The following NCEH1 variants were observed in gnomAD, a reference collection of about 807,000 sequenced individuals.
NCEH1 encodes the protein 2-acetyl MAGE hydrolase.
A neutral mutation model predicts 25.4 loss-of-function variants in NCEH1; 9 were observed. The ratio of observed to expected loss-of-function variants is 0.35; its 90% CI spans 0.21 to 0.62. The LOEUF (loss-of-function observed/expected upper bound fraction) is 0.62, where lower values mean the gene tolerates loss of function less well. Ranked by LOEUF, NCEH1 falls within the 20% of genes least tolerant of loss-of-function variation. NCEH1 has a pLI of 0.72. For synonymous variants in NCEH1, 200 were observed against 199.8 expected (o/e 1.00, Z -0.01); for missense variants, 412 against 501.1 (o/e 0.82, Z 1.70).
At chr3:172,658,286 G>A (rs1302599470) in intron 1 of NCEH1, among the ~76,000 whole-genome samples, 1 of 152,154 alleles carries the variant, frequency 6.6e-6, no homozygotes, top group Non-Finnish European at 1.5e-5. Context: ...CCCTTGTTTA[G>A]CGCATAAGAA....
At chr3:172,651,550 T>C (rs1717405139) in intron 1 of NCEH1, among the ~76,000 whole-genome samples, 1 of 152,002 alleles carries the variant, frequency 6.6e-6, no homozygotes, top group African/African-American at 2.4e-5. Context: ...AAAGCCTGTA[T>C]CTTTTGGAGA....
intron 1 of NCEH1, among the ~76,000 whole-genome samples, chr3:172,688,056 C>A (rs557149811): frequency 2.0e-5 from 3 of 149,454 alleles, no homozygotes; most frequent in South Asian, 4.2e-4. Context: ...ACATGGAGGC[C>A]GTGCACAGTG....
Position 172,653,734 on chromosome 3 carries a change from T to TTG in NCEH1, c.139-5621_139-5620insCA, listed in dbSNP as rs1183367511. 6.3e-5 allele frequency among the ~76,000 whole-genome samples: 4 copies of TTG among 63,444 alleles called. No individual in the cohort carries two copies. The East Asian group carries it at 7.5e-3, about 118-fold the overall frequency. 41.6% of individuals were successfully genotyped at this position (63,444 alleles called of 152,430 possible). Reference sequence around the variant, plus strand: ...TTTGTTTTTGTTGTTGTTGTTGTTCTGTTTTTTTTGTTTTTTTGTTTTTTT... The same window carrying TTG: ...TTTGTTTTTGTTGTTGTTGTTGTTCTTGGTTTTTTTTGTTTTTTTGTTTTTTT... On this transcript the variant is annotated intron_variant, in intron 1 of 4. Transcript: ENST00000475381.
At chr3:172,667,051 T>C (rs191445665) in intron 1 of NCEH1, among the ~76,000 whole-genome samples, 1 of 152,330 alleles carries the variant, frequency 6.6e-6, no homozygotes, top group Non-Finnish European at 1.5e-5. Context: ...GACATATTGC[T>C]GGTCCTTTGC....
chr3:172,661,688 A>G (rs941361728), intron 1 of NCEH1, among the ~76,000 whole-genome samples: 5 of 151,382 alleles, frequency 3.3e-5, no homozygotes, highest in African/African-American at 9.7e-5. Flanking sequence ...GGTCCTTCAC[A>G]TCCCTTGTAA....
At chr3:172,687,124 C>T (rs1712742988) in intron 1 of NCEH1, among the ~76,000 whole-genome samples, 1 of 152,156 alleles carries the variant, frequency 6.6e-6, no homozygotes, top group South Asian at 2.1e-4. Context: ...TTAATCCAAC[C>T]AAATAGGCCT....
chr3:172,676,719 T>C (rs1371186702), intron 1 of NCEH1, among the ~76,000 whole-genome samples: 5 of 152,184 alleles, frequency 3.3e-5, no homozygotes, highest in Non-Finnish European at 7.3e-5. Context: ...TGTCATTTTA[T>C]CTAAACTGGC....
At chr3:172,656,749 G>C (rs1017505125) in intron 1 of NCEH1, among the ~76,000 whole-genome samples, 9 of 152,178 alleles carry the variant, frequency 5.9e-5, no homozygotes, top group African/African-American at 2.2e-4. Context: ...CCTGGCAACA[G>C]AGTGAGACTC....
At chr3:172,665,065 T>C (rs2108508604) in intron 1 of NCEH1, among the ~76,000 whole-genome samples, 1 of 152,320 alleles carries the variant, frequency 6.6e-6, no homozygotes, top group Admixed American at 6.5e-5. Flanking sequence ...TTTTCAGCTT[T>C]TCTGCTCTGG....
intron 1 of NCEH1, among the ~76,000 whole-genome samples, chr3:172,655,362 T>C (rs937242632): frequency 1.3e-5 from 2 of 152,144 alleles, no homozygotes; most frequent in Non-Finnish European, 2.9e-5. Context: ...GACAGTAAAA[T>C]CTGGTGGCGC....
chr3:172,642,813 C>T (rs1190160507), intron 3 of NCEH1, among the ~76,000 whole-genome samples: 1 of 152,108 alleles, frequency 6.6e-6, no homozygotes, highest in Non-Finnish European at 1.5e-5. Context: ...GTCATTATCC[C>T]AACTCAGCAT....
At chr3:172,681,128 A>G (rs1577080404) in intron 1 of NCEH1, 1 of 151,840 alleles carries the variant, frequency 6.6e-6, no homozygotes, top group East Asian at 1.9e-4. Flanking sequence ...ACCGGGGGAG[A>G]AGGAGGGGCA....
chr3:172,684,103 A>G (rs1712557602), intron 1 of NCEH1, among the ~76,000 whole-genome samples: 1 of 152,224 alleles, frequency 6.6e-6, no homozygotes, highest in South Asian at 2.1e-4. Flanking sequence ...CTTTCTTTGA[A>G]GCTAGGCACC....
chr3:172,689,473 C>T (rs1712901568), intron 1 of NCEH1, among the ~76,000 whole-genome samples: 1 of 151,574 alleles, frequency 6.6e-6, no homozygotes, highest in South Asian at 2.1e-4. Context: ...TCTCAAACTC[C>T]TGACCTCAGG....
intron 1 of NCEH1, among the ~76,000 whole-genome samples, chr3:172,653,608 G>A (rs1050198430): frequency 6.6e-6 from 1 of 152,178 alleles, no homozygotes; most frequent in South Asian, 2.1e-4. Flanking sequence ...ATGAAATCCA[G>A]TAAGGTGTCT....
intron 1 of NCEH1, among the ~76,000 whole-genome samples, chr3:172,701,645 T>C (rs1237221566): frequency 1.3e-5 from 2 of 148,336 alleles, no homozygotes; most frequent in African/African-American, 2.5e-5. Context: ...TTTGTATTTT[T>C]AGTAGAGACT....
At chr3:172,647,799 T>C (rs1423276258) in intron 2 of NCEH1, 87 bp downstream of exon 2, 1 of 1,552,372 alleles carries the variant, frequency 6.4e-7, no homozygotes, top group Non-Finnish European at 8.7e-7. Context: ...GGTCCCCTTC[T>C]TTCCCACTAA....
intron 1 of NCEH1, among the ~76,000 whole-genome samples, chr3:172,704,014 C>T (rs1237546300): frequency 2.0e-5 from 3 of 152,236 alleles, no homozygotes; most frequent in African/African-American, 4.8e-5. Context: ...ATCATAATTT[C>T]TGGACAATCA....
chr3:172,673,733 C>T (rs1395826413), intron 1 of NCEH1, among the ~76,000 whole-genome samples: 4 of 152,180 alleles, frequency 2.6e-5, no homozygotes, highest in African/African-American at 9.7e-5. Context: ...AAGGAAGCCT[C>T]AAGGCACTAA....
Sources: allele counts gnomAD v4.1 joint callset (sites outside exome capture counted in the v4.1 genomes callset), GRCh38; gene constraint gnomAD v4.1.1; transcripts MANE v1.5; gene names NCBI Gene and HGNC (gene_info 2026-07-23, HGNC 2026-07-21).